The following IPMK variants were observed in gnomAD, a reference collection of about 807,000 sequenced individuals.
IPMK encodes the protein inositol polyphosphate multikinase.
In IPMK, 17 loss-of-function variants were observed where a neutral mutation model predicts 45.8. The ratio of observed to expected loss-of-function variants is 0.37; its 90% CI spans 0.25 to 0.56. IPMK has a LOEUF of 0.56. IPMK is among the 20% of genes least tolerant of loss of function. IPMK has a pLI of 0.79. For missense variants in IPMK, 399 were observed against 498.0 expected (o/e 0.80, Z 1.89); for synonymous variants, 180 against 184.3 (o/e 0.98, Z 0.19).
chr10:58,245,071 C>T (rs6481385), intron 1 of IPMK, among the ~76,000 whole-genome samples: 2 of 148,114 alleles, frequency 1.4e-5, no homozygotes, highest in African/African-American at 2.5e-5. Flanking sequence ...ATAAAATAAA[C>T]AAATTAAAAT....
chr10:58,255,215 C>T (rs2132176887), intron 1 of IPMK, among the ~76,000 whole-genome samples: 1 of 152,344 alleles, frequency 6.6e-6, no homozygotes, highest in South Asian at 2.1e-4. Flanking sequence ...TCACTGCAAT[C>T]ACTGACCCAC....
chr10:58,224,282 T>A (rs1838380822), intron 3 of IPMK, among the ~76,000 whole-genome samples: 1 of 152,178 alleles, frequency 6.6e-6, no homozygotes, highest in African/African-American at 2.4e-5. Context: ...TCAAACCTAC[T>A]CGATGTTATA....
intron 1 of IPMK, among the ~76,000 whole-genome samples, chr10:58,266,960 T>C (rs1839156360): frequency 6.6e-6 from 1 of 152,116 alleles, no homozygotes; most frequent in Non-Finnish European, 1.5e-5. Flanking sequence ...GTGTTTTTCT[T>C]CCCCTCCAGC....
intron 4 of IPMK, 48 bp from the exon 5 acceptor site, chr10:58,199,369 T>C (rs1053464334): frequency 1.0e-5 from 13 of 1,273,112 alleles, no homozygotes; most frequent in African/African-American, 6.0e-5. Flanking sequence ...TCCTTGACCA[T>C]GTGGGGTTAT....
chr10:58,216,013 T>TG (rs34873036), intron 4 of IPMK, 132 bp downstream of exon 4: 95 of 611,442 alleles, frequency 1.6e-4, no homozygotes, highest in Non-Finnish European at 2.3e-4. Context: ...CTTTTCACAT[T>TG]GGGGAGTTAC....
At chr10:58,235,509 C>G (rs1415822091) in intron 2 of IPMK, among the ~76,000 whole-genome samples, 1 of 152,148 alleles carries the variant, frequency 6.6e-6, no homozygotes, top group African/African-American at 2.4e-5. Context: ...AGTTCATGTC[C>G]TTTGCAGGGA....
rs1295467874 is a variant in IPMK, at chr10:58,193,362, G to A, written c.*2714C>T. The A allele has an allele frequency of 6.6e-6, 1 of 151,810 alleles. No homozygotes were observed. Among genetic ancestry groups the A allele is most frequent in the East Asian group, 1.9e-4 (1 of 5,188 alleles). 9.4% of individuals were successfully genotyped at this position (151,810 alleles called of 1,614,324 possible). On this transcript the variant is annotated 3_prime_UTR_variant, in exon 6 of 6. Transcript: ENST00000373935. Reference sequence around the variant, plus strand: ...AGGAAAAGTAAGTACAATCTTTCCAGACACACAACTAATAATGAATACTGA... The same window carrying A: ...AGGAAAAGTAAGTACAATCTTTCCAAACACACAACTAATAATGAATACTGA...
intron 1 of IPMK, among the ~76,000 whole-genome samples, chr10:58,244,400 T>C (rs1006162412): frequency 2.7e-5 from 4 of 147,148 alleles, no homozygotes; most frequent in Admixed American, 6.7e-5. Context: ...GCTCCTCGTC[T>C]GGGAGGTGGG....
At chr10:58,238,961 T>C (rs761488283) in intron 1 of IPMK, among the ~76,000 whole-genome samples, 3 of 151,872 alleles carry the variant, frequency 2.0e-5, no homozygotes, top group Admixed American at 6.6e-5. Context: ...CTGGGTAACA[T>C]AGCAGACCCT....
intron 4 of IPMK, among the ~76,000 whole-genome samples, chr10:58,214,893 G>A (rs901080964): frequency 2.0e-5 from 3 of 152,130 alleles, no homozygotes; most frequent in Non-Finnish European, 4.4e-5. Context: ...CTCACCCTGT[G>A]CACATTGCTA....
intron 1 of IPMK, among the ~76,000 whole-genome samples, chr10:58,260,658 CA>C (rs918331680): frequency 8.7e-5 from 13 of 149,322 alleles, no homozygotes; most frequent in African/African-American, 2.9e-4. Context: ...AAATTTTTTT[CA>C]AAAAAAAACT....
intron 1 of IPMK, among the ~76,000 whole-genome samples, chr10:58,265,312 C>T (rs1234488773): frequency 6.6e-6 from 1 of 152,064 alleles, no homozygotes; most frequent in East Asian, 1.9e-4. Context: ...CTGATAGTAA[C>T]ACAAATTTAA....
intron 1 of IPMK, among the ~76,000 whole-genome samples, chr10:58,246,814 T>A (rs1396684732): frequency 6.6e-6 from 1 of 151,818 alleles, no homozygotes; most frequent in African/African-American, 2.4e-5. Context: ...GGGATCTAAT[T>A]AAAATAAAGA....
At chr10:58,228,423 T>C (rs1370199058) in intron 2 of IPMK, among the ~76,000 whole-genome samples, 1 of 152,250 alleles carries the variant, frequency 6.6e-6, no homozygotes, top group Non-Finnish European at 1.5e-5. Flanking sequence ...GGAATGGAAA[T>C]GAAAGAGAGA....
At chr10:58,254,167 T>G (rs1307020815) in intron 1 of IPMK, among the ~76,000 whole-genome samples, 1 of 152,166 alleles carries the variant, frequency 6.6e-6, no homozygotes, top group Non-Finnish European at 1.5e-5. Flanking sequence ...AAATTCCAAT[T>G]ATCAGAGGTT....
Position 58,198,413 on chromosome 10 carries a change from AC to A in IPMK, c.628+826del, listed in dbSNP as rs1280109524. ...AAATAACTTGTTCCCCCAATTTGGG[AC>A]AGAAACTATTAAAAGATATATTCAG... On this transcript the variant is annotated intron_variant, in intron 5 of 5. Transcript: ENST00000373935. Among the ~76,000 whole-genome samples the A allele has an allele frequency of 3.3e-5, 5 of 152,200 alleles. No homozygotes were observed. The South Asian group carries it at 1.0e-3, about 31-fold the overall frequency.
At chr10:58,215,717 TACC>T (rs1412579901) in intron 4 of IPMK, among the ~76,000 whole-genome samples, 4 of 152,174 alleles carry the variant, frequency 2.6e-5, no homozygotes, top group Non-Finnish European at 5.9e-5. Context: ...GCCACACAAT[TACC>T]ACATTTTAAA....
rs1023826613 is a variant in IPMK at position 58,220,672 on chromosome 10, T to G, written c.374-4355A>C. On this transcript the variant is annotated intron_variant, in intron 3 of 5. Coordinates refer to ENST00000373935, the MANE Select transcript of IPMK (RefSeq NM_152230.5). ...TAAATGCAGGTTACACATTCCCATA[T>G]CCCCTCCAAAATAAAATTTCATACA... is the stretch of plus-strand genomic sequence containing the variant. Among the ~76,000 whole-genome samples, 5 of 152,042 alleles carry G rather than the reference T, an allele frequency of 3.3e-5. No homozygotes were observed. The South Asian group carries it at 1.0e-3, about 31-fold the overall frequency.
At chr10:58,196,721 G>T (rs767989494) in intron 5 of IPMK, 23 bp from the exon 6 acceptor site, 1 of 1,441,920 alleles carries the variant, frequency 6.9e-7, no homozygotes, top group Non-Finnish European at 9.4e-7. Context: ...AAATATGAGC[G>T]TTATAATCAA....
Sources: gnomAD v4.1 joint callset for allele counts (sites outside exome capture counted in the v4.1 genomes callset) on GRCh38, gnomAD v4.1.1 for gene constraint, MANE v1.5 for transcripts, NCBI Gene and HGNC (gene_info 2026-07-23, HGNC 2026-07-21) for gene names.